Variants in ENPP3 observed in about 807,000 individuals in gnomAD.
The protein encoded by ENPP3 is ectonucleotide pyrophosphatase/phosphodiesterase family member 3.
ENPP3 carries 104 observed loss-of-function variants against 117.8 expected under a neutral mutation model. That is an observed-to-expected ratio of 0.88 (90% CI 0.75 to 1.04). ENPP3 has a LOEUF of 1.04. Among genes scored for constraint, ENPP3 ranks in the 50% least tolerant of loss-of-function variants. The pLI is 0.00. For synonymous variants in ENPP3, 380 were observed against 349.9 expected (o/e 1.09, Z -0.96); for missense variants, 1,026 against 1,051.9 (o/e 0.98, Z 0.34).
intron 7 of ENPP3, among the ~76,000 whole-genome samples, chr6:131,673,483 A>G (rs1313777778): frequency 1.3e-5 from 2 of 152,180 alleles, no homozygotes; most frequent in African/African-American, 4.8e-5. Flanking sequence ...GGAACTTATT[A>G]ACGCAAAGGG....
At chr6:131,689,538 A>G (rs796802562) in intron 14 of ENPP3, among the ~76,000 whole-genome samples, 10 of 152,328 alleles carry the variant, frequency 6.6e-5, no homozygotes, top group African/African-American at 2.4e-4. Context: ...TCAGAAAAAA[A>G]GGTTCCTTTC....
intron 10 of ENPP3, 98 bp from the exon 11 acceptor site, chr6:131,677,770 G>A (rs2114396188): frequency 1.3e-6 from 1 of 742,232 alleles, no homozygotes; most frequent in South Asian, 1.7e-5. Flanking sequence ...GAAAGAAAAG[G>A]CAATGGCTAG....
At chr6:131,719,547 T>G (rs1779971489) in intron 16 of ENPP3, among the ~76,000 whole-genome samples, 1 of 152,154 alleles carries the variant, frequency 6.6e-6, no homozygotes, top group Non-Finnish European at 1.5e-5. Flanking sequence ...GAGAAAGAGC[T>G]TTACTATTAA....
chr6:131,693,658 T>C lies in ENPP3; in HGVS notation c.1412+34T>C, dbSNP rs926031989. 5.0e-6 allele frequency: 8 copies of C among 1,594,328 alleles called. No homozygotes were observed. The African/African-American group carries it at 9.4e-5, about 19-fold the overall frequency. ...ATCTGTTTACTTATCTCATAATGCCTTTAATAACCATTTGTCATTATAAGT... is the reference window on the plus strand; with the variant it reads ...ATCTGTTTACTTATCTCATAATGCCCTTAATAACCATTTGTCATTATAAGT... On this transcript the variant is annotated intron_variant, in intron 15 of 24. Transcript: ENST00000357639.
rs772142014 is a variant in ENPP3 at position 131,637,433 on chromosome 6, A to G, written c.49A>G (p.Thr17Ala). 3 of 1,589,122 alleles carry G rather than the reference A, an allele frequency of 1.9e-6. No homozygotes were observed. The East Asian group carries it at 6.8e-5, about 36-fold the overall frequency. The change falls in exon 1 of 25, where the codon ACT becomes GCT. Residue 17 changes from threonine to alanine, a missense_variant. Coordinates refer to ENST00000357639, the MANE Select transcript of ENPP3 (RefSeq NM_005021.5). ...LATEQPVKKN[T>A]LKKYKIACIV... is the part of the protein sequence containing the mutation. Reference sequence around the variant, plus strand: ...AACGGAACAACCTGTTAAGAAGAACACTCTTAAGAAATATAAAATAGCTTG... The same window carrying G: ...AACGGAACAACCTGTTAAGAAGAACGCTCTTAAGAAATATAAAATAGCTTG...
intron 20 of ENPP3, among the ~76,000 whole-genome samples, chr6:131,727,724 C>A (rs1031756176): frequency 4.6e-5 from 7 of 152,144 alleles, no homozygotes; most frequent in African/African-American, 1.7e-4. Context: ...TAACCACAAT[C>A]ATTATTTTTA....
intron 23 of ENPP3, among the ~76,000 whole-genome samples, chr6:131,739,954 ATG>A (rs1222932553): frequency 1.6e-5 from 2 of 124,488 alleles, no homozygotes; most frequent in Admixed American, 8.2e-5. Context: ...ATATATATAT[ATG>A]TGTGTGTGTC....
chr6:131,678,829 T>C (rs1367082166), intron 11 of ENPP3, among the ~76,000 whole-genome samples: 1 of 152,230 alleles, frequency 6.6e-6, no homozygotes, highest in Non-Finnish European at 1.5e-5. Context: ...CACAGAATTG[T>C]ATGCCTTTTC....
chr6:131,694,525 GA>G (rs1779358017), intron 15 of ENPP3, among the ~76,000 whole-genome samples: 1 of 152,118 alleles, frequency 6.6e-6, no homozygotes, highest in Non-Finnish European at 1.5e-5. Flanking sequence ...ATGCCAGGGG[GA>G]TAGAATGACA....
intron 15 of ENPP3, among the ~76,000 whole-genome samples, chr6:131,717,118 TC>T: frequency 6.6e-6 from 1 of 152,148 alleles, no homozygotes. Flanking sequence ...CTTTCCCCAT[TC>T]CAGGTACTTA....
chr6:131,685,568 G>A (rs1471866625), intron 13 of ENPP3, 73 bp downstream of exon 13: 3 of 1,492,948 alleles, frequency 2.0e-6, no homozygotes, highest in Non-Finnish European at 2.7e-6. Flanking sequence ...CTAATTCTGA[G>A]AGGAAGTTGG....
chr6:131,667,967 A>AT (rs987920926), intron 6 of ENPP3, among the ~76,000 whole-genome samples: 53 of 151,840 alleles, frequency 3.5e-4, no homozygotes, highest in African/African-American at 1.0e-3. Flanking sequence ...ATTATTCTTT[A>AT]TTTTTTTTGA....
chr6:131,649,073 G>A (rs182848372), intron 2 of ENPP3, among the ~76,000 whole-genome samples: 5 of 152,186 alleles, frequency 3.3e-5, no homozygotes, highest in Admixed American at 2.0e-4. Context: ...TTTATATAAA[G>A]CTGAACTGAA....
chr6:131,657,777 T>C (rs1243561249), intron 5 of ENPP3, among the ~76,000 whole-genome samples: 2 of 152,202 alleles, frequency 1.3e-5, no homozygotes, highest in Non-Finnish European at 2.9e-5. Flanking sequence ...GATAATATTC[T>C]GTTTCTTCAT....
At chr6:131,663,026 A>G (rs1778535413) in intron 6 of ENPP3, among the ~76,000 whole-genome samples, 1 of 152,142 alleles carries the variant, frequency 6.6e-6, no homozygotes, top group African/African-American at 2.4e-5. Context: ...TGTATCCTGC[A>G]ATTTTACTGC....
chr6:131,692,744 GATATATGATATATGGTT>G (rs1391511910), intron 14 of ENPP3, among the ~76,000 whole-genome samples: 11 of 143,696 alleles, frequency 7.7e-5, no homozygotes, highest in Admixed American at 2.1e-4. Flanking sequence ...TATTATATAT[GATATATGATATATGGTT>G]ATATATGATA....
Position 131,737,563 on chromosome 6 carries a change from A to G in ENPP3, c.2167+131A>G, listed in dbSNP as rs1780425745. 8.2e-6 allele frequency: 5 copies of G among 611,164 alleles called. No individual in the cohort carries two copies. In the Admixed American group the frequency reaches 8.7e-5, roughly 11 times the overall value. 37.9% of individuals were successfully genotyped at this position (611,164 alleles called of 1,614,324 possible). On this transcript the variant is annotated intron_variant, in intron 22 of 24. Transcript: ENST00000357639. ...GTCATTTTGTTCTAATGGTTTAAAT[A>G]TAGGTATAGGAAGGATCCCTCACAT...
At chr6:131,657,116 T>C (rs1224636904) in intron 5 of ENPP3, among the ~76,000 whole-genome samples, 1 of 152,216 alleles carries the variant, frequency 6.6e-6, no homozygotes, top group Non-Finnish European at 1.5e-5. Flanking sequence ...TTTAATTTCT[T>C]CATGAATTTT....
intron 5 of ENPP3, among the ~76,000 whole-genome samples, chr6:131,654,069 C>T (rs1048202761): frequency 5.3e-5 from 8 of 151,622 alleles, no homozygotes; most frequent in Non-Finnish European, 1.0e-4. Context: ...GAATACCTGG[C>T]TTTAGGAGGA....
Sources: gnomAD v4.1 joint callset for allele counts (sites outside exome capture counted in the v4.1 genomes callset) on GRCh38, gnomAD v4.1.1 for gene constraint, MANE v1.5 for transcripts, NCBI Gene and HGNC (gene_info 2026-07-23, HGNC 2026-07-21) for gene names.